The following UXS1 variants were observed in gnomAD, a reference collection of about 807,000 sequenced individuals.
UXS1 encodes the protein UDP-glucuronate decarboxylase 1.
In UXS1, 33 loss-of-function variants were observed where a neutral mutation model predicts 62.6. That is an observed-to-expected ratio of 0.53 (90% CI 0.40 to 0.70). The LOEUF (loss-of-function observed/expected upper bound fraction) is 0.70. UXS1 is among the 30% of genes least tolerant of loss of function. The pLI is 0.00. For synonymous variants in UXS1, 213 were observed against 206.8 expected (o/e 1.03, Z -0.26); for missense variants, 434 against 556.3 (o/e 0.78, Z 2.21).
intron 14 of UXS1, among the ~76,000 whole-genome samples, chr2:106,095,139 T>C (rs1290445273): frequency 1.3e-5 from 2 of 152,194 alleles, no homozygotes; most frequent in African/African-American, 4.8e-5. Flanking sequence ...AAGATAAAGA[T>C]ACTGAGCATA....
intron 5 of UXS1, among the ~76,000 whole-genome samples, chr2:106,156,131 C>T (rs1281081696): frequency 6.6e-6 from 1 of 151,862 alleles, no homozygotes; most frequent in Non-Finnish European, 1.5e-5. Context: ...AAAATATTTA[C>T]AAATAATATA....
At chr2:106,150,369 A>G (rs1681911299) in intron 5 of UXS1, among the ~76,000 whole-genome samples, 1 of 152,196 alleles carries the variant, frequency 6.6e-6, no homozygotes, top group African/African-American at 2.4e-5. Context: ...CCTTAAGACA[A>G]TGGGAGAATG....
chr2:106,123,300 GA>G (rs869205248), intron 8 of UXS1, among the ~76,000 whole-genome samples: 4 of 78,550 alleles, frequency 5.1e-5, no homozygotes, highest in African/African-American at 7.8e-5. Context: ...ACTTACAGGG[GA>G]AAAAAAAAAA....
chr2:106,149,183 T>C (rs1037521952), intron 5 of UXS1, among the ~76,000 whole-genome samples: 3 of 151,840 alleles, frequency 2.0e-5, no homozygotes, highest in African/African-American at 7.3e-5. Flanking sequence ...AGATGGCAGA[T>C]GAGGGGAAAA....
At chr2:106,096,626 G>T in intron 14 of UXS1, 92 bp downstream of exon 14, 1 of 1,202,980 alleles carries the variant, frequency 8.3e-7, no homozygotes, top group South Asian at 1.6e-5. Flanking sequence ...CTCCTCCGGG[G>T]GCTGTCTGAC....
chr2:106,179,870 G>A (rs1360045030), intron 1 of UXS1, among the ~76,000 whole-genome samples: 2 of 152,178 alleles, frequency 1.3e-5, no homozygotes, highest in Non-Finnish European at 2.9e-5. Context: ...CACTTTGGGA[G>A]GCTGAGGCAG....
Position 106,125,671 on chromosome 2 carries a change from T to C in UXS1, c.586A>G (p.Lys196Glu). The C allele has an allele frequency of 6.3e-7, 1 of 1,577,614 alleles. No homozygotes were observed. Among genetic ancestry groups the C allele is most frequent in the Non-Finnish European group, 8.6e-7 (1 of 1,161,266 alleles). The change falls in exon 8 of 15, where the codon AAA becomes GAA. Residue 196 changes from lysine (K) to glutamate (E), a missense_variant. This residue lies in a region of UXS1 where 134 missense variants were observed against 251.9 expected (regional missense o/e 0.53). Coordinates refer to ENST00000283148, the MANE Select transcript of UXS1 (RefSeq NM_001253875.2). ...IGTLNMLGLA[K>E]RVGARLLLAS... is the part of the protein sequence containing the mutation. ...AGGAGCAGACGGGCACCGACTCGTT[T>C]TGCCAGCCCTACAGAAAGCAATGAC...
rs139536287 is a variant in UXS1 at position 106,174,741 on chromosome 2, C to T, written c.95-8658G>A. Among the ~76,000 whole-genome samples, 362 of 152,342 alleles carry T rather than the reference C, an allele frequency of 2.4e-3. 2 individuals are homozygous for T. Among genetic ancestry groups the T allele is most frequent in the African/African-American group, 8.2e-3 (340 of 41,580 alleles). On this transcript the variant is annotated intron_variant, in intron 1 of 14. Transcript: ENST00000283148. ...TGCTGCTTACTGAGCACCTACTCCA[C>T]GTGGGCCTTTTATGTTGGTTCTAAT...
At chr2:106,103,712 A>G (rs1677806191) in intron 11 of UXS1, among the ~76,000 whole-genome samples, 1 of 152,232 alleles carries the variant, frequency 6.6e-6, no homozygotes, top group Admixed American at 6.5e-5. Flanking sequence ...TTGAGGCAAG[A>G]TATTAATGGG....
chr2:106,104,432 T>C (rs1175223480), intron 11 of UXS1, among the ~76,000 whole-genome samples: 1 of 152,214 alleles, frequency 6.6e-6, no homozygotes, highest in Non-Finnish European at 1.5e-5. Flanking sequence ...CGAGCCATGT[T>C]TGCAATGGGT....
chr2:106,174,918 C>CA (rs1331433028), intron 1 of UXS1, among the ~76,000 whole-genome samples: 1 of 152,206 alleles, frequency 6.6e-6, no homozygotes, highest in Non-Finnish European at 1.5e-5. Context: ...CATGACCTGT[C>CA]AAGGGCTCCA....
In UXS1 at chr2:106,129,696, C is replaced by T. The variant is rs1345117697; in HGVS notation, c.555G>A (p.Thr185=). The change falls in exon 7 of 15, where the codon ACG becomes ACA. Residue 185 remains threonine (T), a synonymous_variant. Transcript: ENST00000283148. ...TACCCAACATGTTTAATGTCCCAATCGTATTGGTCTTTAATGTCTTGATAG... is the reference window on the plus strand; with the variant it reads ...TACCCAACATGTTTAATGTCCCAATTGTATTGGTCTTTAATGTCTTGATAG... The part of the protein sequence containing the change: ...YNPIKTLKTN[T]IGTLNMLGLA... The T allele has an allele frequency of 6.2e-6, 10 of 1,611,590 alleles. No individual in the cohort carries two copies. In the East Asian group the frequency reaches 8.9e-5, roughly 14 times the overall value.
chr2:106,151,610 A>C (rs1682021925), intron 5 of UXS1, among the ~76,000 whole-genome samples: 1 of 152,206 alleles, frequency 6.6e-6, no homozygotes, highest in Non-Finnish European at 1.5e-5. Flanking sequence ...AGTCTGTGGT[A>C]ATCTGTTACA....
At chr2:106,147,747 T>C (rs1341300226) in intron 5 of UXS1, among the ~76,000 whole-genome samples, 1 of 152,184 alleles carries the variant, frequency 6.6e-6, no homozygotes, top group Non-Finnish European at 1.5e-5. Flanking sequence ...ACTAAACTAA[T>C]CCGCCTGCCT....
At chr2:106,171,658 G>C (rs1683567918) in intron 1 of UXS1, among the ~76,000 whole-genome samples, 1 of 152,226 alleles carries the variant, frequency 6.6e-6, no homozygotes, top group Non-Finnish European at 1.5e-5. Context: ...CCAGATCTGG[G>C]TAGCAATTTC....
chr2:106,130,408 A>G (rs1021597900), intron 6 of UXS1, among the ~76,000 whole-genome samples: 3 of 152,198 alleles, frequency 2.0e-5, no homozygotes, highest in Non-Finnish European at 4.4e-5. Flanking sequence ...CATAGCAGAG[A>G]AGTCCTCGGG....
At chr2:106,168,436 A>AGAACT (rs1417050957) in intron 1 of UXS1, among the ~76,000 whole-genome samples, 2 of 152,236 alleles carry the variant, frequency 1.3e-5, no homozygotes, top group Non-Finnish European at 2.9e-5. Context: ...AGCAGCCCTC[A>AGAACT]GAACTGACCT....
At chr2:106,107,571 T>TACCTG (rs1381873609) in intron 10 of UXS1, among the ~76,000 whole-genome samples, 1 of 152,204 alleles carries the variant, frequency 6.6e-6, no homozygotes, top group Non-Finnish European at 1.5e-5. Context: ...CCACGCCAGG[T>TACCTG]ACCTGCTCAA....
intron 4 of UXS1, 62 bp downstream of exon 4, chr2:106,163,601 GAATT>G (rs1450882433): frequency 2.0e-5 from 24 of 1,216,282 alleles, no homozygotes; most frequent in African/African-American, 7.9e-5. Context: ...CAAACAAACA[GAATT>G]AATTACTCAA....
Sources: gnomAD v4.1 joint callset for allele counts (sites outside exome capture counted in the v4.1 genomes callset) on GRCh38, gnomAD v4.1.1 for gene constraint, gnomAD v4.1.1 regional missense constraint, MANE v1.5 for transcripts, NCBI Gene and HGNC (gene_info 2026-07-23, HGNC 2026-07-21) for gene names.